Variants in PKHD1 observed in about 807,000 individuals in gnomAD.
PKHD1 encodes PKHD1 ciliary IPT domain containing fibrocystin/polyductin.
Under a neutral mutation model 412.0 loss-of-function variants are expected in PKHD1, and 291 were observed. That is an observed-to-expected ratio of 0.71 (90% CI 0.64 to 0.78). PKHD1 has a LOEUF of 0.78. Ranked by LOEUF, PKHD1 falls within the 30% of genes least tolerant of loss-of-function variation. The probability of loss-of-function intolerance (pLI) is 0.00; values close to 1 mark genes in which losing one functional copy is unlikely to be tolerated. For synonymous variants in PKHD1, 1,777 were observed against 1,821.5 expected, an observed-to-expected ratio of 0.98 and a Z score of 0.62; for missense variants, 4,825 against 4,950.7, an observed-to-expected ratio of 0.97 and a Z score of 0.76.
chr6:51,979,407 C>T (rs10948664), intron 35 of PKHD1, among the ~76,000 whole-genome samples: 72,723 of 151,922 alleles, frequency 0.48, 20,414 homozygotes, highest in Non-Finnish European at 0.62. Flanking sequence ...GTTAAATGGA[C>T]GACCATTGAT....
At chr6:51,747,684 G>A in intron 58 of PKHD1, 103 bp downstream of exon 58, 1 of 1,003,474 alleles carries the variant, frequency 1.0e-6, no homozygotes, top group East Asian at 2.4e-5. Flanking sequence ...GCAAGCACTA[G>A]ACCACAATGT....
At chr6:51,688,452 A>G (rs868151391) in intron 60 of PKHD1, among the ~76,000 whole-genome samples, 22 of 152,296 alleles carry the variant, frequency 1.4e-4, no homozygotes, top group Middle Eastern at 3.4e-3. Context: ...TCTCAAAGCT[A>G]GCAGAAAACA....
chr6:51,823,064 T>G (rs552717361), intron 52 of PKHD1, among the ~76,000 whole-genome samples: 8 of 149,612 alleles, frequency 5.3e-5, no homozygotes, highest in African/African-American at 2.0e-4. Context: ...TTGTACAGGT[T>G]AAGTAAGAGA....
chr6:52,015,543 G>C (rs1272966858), intron 34 of PKHD1, among the ~76,000 whole-genome samples: 1 of 152,174 alleles, frequency 6.6e-6, no homozygotes, highest in Non-Finnish European at 1.5e-5. Flanking sequence ...ACCCACTTTT[G>C]GCCGAGTGCA....
At position 51,870,505 on chromosome 6, in the gene PKHD1, T is replaced by C. The variant is rs1225283943; in HGVS notation, c.7485A>G (p.Gln2495=). The change falls in exon 47 of 67, where the codon CAA becomes CAG. Residue 2495 remains glutamine, a splice_region_variant and synonymous_variant. Transcript: ENST00000371117. ...TGTTCTGTCTATTCAAATAATTACC[T>C]TGTCCTTGGGAACAGTCTGAACAGG... The part of the protein sequence containing the change: ...IRTCSDCSQG[Q]GGFTVKTSQL... The C allele has an allele frequency of 6.2e-7, 1 of 1,610,784 alleles. No individual in the cohort carries two copies. Among genetic ancestry groups the C allele is most frequent in the Admixed American group, 1.7e-5 (1 of 60,000 alleles).
At chr6:51,874,386 CAT>C (rs761411170) in intron 46 of PKHD1, among the ~76,000 whole-genome samples, 8 of 152,144 alleles carry the variant, frequency 5.3e-5, no homozygotes, top group East Asian at 1.9e-4. Flanking sequence ...CTATATAGCA[CAT>C]GTCTTTCTTG....
At chr6:51,982,890 T>TAAAAA (rs761826670) in intron 35 of PKHD1, among the ~76,000 whole-genome samples, 30 of 37,628 alleles carry the variant, frequency 8.0e-4, no homozygotes, top group East Asian at 1.4e-3. Flanking sequence ...TAAAATAAAA[T>TAAAAA]AAAAAAAAGA....
rs542144550 is a variant in PKHD1 at position 51,736,732 on chromosome 6, G to A, written c.10156+7653C>T. On this transcript the variant is annotated intron_variant, in intron 60 of 66. Transcript: ENST00000371117. ...ATATTGGCAGACAAATTTTCTAACC[G>A]TTTCCTCTCTCCATTCTGTCCTCTC... 6.8e-4 allele frequency among the ~76,000 whole-genome samples: 103 copies of A among 152,072 alleles called. 2 individuals carry two copies. The South Asian group carries it at 0.018, about 27-fold the overall frequency.
chr6:51,777,755 A>C (rs1236035387), intron 53 of PKHD1, among the ~76,000 whole-genome samples: 1 of 150,394 alleles, frequency 6.6e-6, no homozygotes, highest in Non-Finnish European at 1.5e-5. Flanking sequence ...AAAAAGTAGG[A>C]CAGTTTTTGC....
chr6:51,677,790 T>C (rs1776077989), intron 60 of PKHD1, among the ~76,000 whole-genome samples: 1 of 152,108 alleles, frequency 6.6e-6, no homozygotes, highest in Admixed American at 6.6e-5. Context: ...GGCATGACAA[T>C]ATGAGAGAGA....
chr6:51,796,122 GA>G (rs1314053741), intron 52 of PKHD1, among the ~76,000 whole-genome samples: 4 of 152,166 alleles, frequency 2.6e-5, no homozygotes, highest in Non-Finnish European at 4.4e-5. Context: ...ATTCAGCTGT[GA>G]ATTCACCTGG....
intron 46 of PKHD1, among the ~76,000 whole-genome samples, chr6:51,870,899 A>G (rs1034047879): frequency 6.6e-6 from 1 of 152,146 alleles, no homozygotes; most frequent in Non-Finnish European, 1.5e-5. Context: ...AAAAGAAAAT[A>G]TACAGATAGC....
intron 52 of PKHD1, among the ~76,000 whole-genome samples, chr6:51,818,292 A>T (rs1420263047): frequency 1.3e-5 from 2 of 152,196 alleles, no homozygotes; most frequent in Admixed American, 1.3e-4. Flanking sequence ...ATCTGGGCAA[A>T]TGCTCTGAGA....
intron 60 of PKHD1, among the ~76,000 whole-genome samples, chr6:51,685,022 A>G (rs936592471): frequency 6.6e-6 from 1 of 152,120 alleles, no homozygotes. Flanking sequence ...CAACTATAAA[A>G]TTCTTTTTGC....
chr6:51,793,584 T>G (rs987093392), intron 52 of PKHD1, among the ~76,000 whole-genome samples: 3 of 152,186 alleles, frequency 2.0e-5, no homozygotes, highest in African/African-American at 7.2e-5. Context: ...TCTCATCACT[T>G]AGCTCCCACT....
intron 50 of PKHD1, among the ~76,000 whole-genome samples, chr6:51,838,835 A>G (rs1179189695): frequency 6.6e-6 from 1 of 152,156 alleles, no homozygotes; most frequent in Admixed American, 6.5e-5. Context: ...AACCTTATTC[A>G]TTTCATCTAA....
intron 48 of PKHD1, among the ~76,000 whole-genome samples, chr6:51,864,149 T>C (rs1465792717): frequency 6.6e-6 from 1 of 152,064 alleles, no homozygotes; most frequent in Non-Finnish European, 1.5e-5. Flanking sequence ...AGAGCACAAA[T>C]AAGTTGAATG....
intron 60 of PKHD1, among the ~76,000 whole-genome samples, chr6:51,718,232 G>A (rs1781498531): frequency 6.6e-6 from 1 of 152,166 alleles, no homozygotes; most frequent in South Asian, 2.1e-4. Flanking sequence ...TTCAAATCAT[G>A]CCCTGTGGAC....
At chr6:51,637,977 T>C (rs575070560) in intron 64 of PKHD1, among the ~76,000 whole-genome samples, 2 of 152,286 alleles carry the variant, frequency 1.3e-5, no homozygotes, top group South Asian at 4.1e-4. Context: ...ACCAGTGTCA[T>C]ACTGGAACAT....
Sources: allele counts gnomAD v4.1 joint callset (sites outside exome capture counted in the v4.1 genomes callset), GRCh38; gene constraint gnomAD v4.1.1; transcripts MANE v1.5; gene names NCBI Gene and HGNC (gene_info 2026-07-23, HGNC 2026-07-21).